Variants in SLC25A26 observed in about 807,000 individuals in gnomAD.
SLC25A26 encodes the protein solute carrier family 25 member 26.
A neutral mutation model predicts 37.8 loss-of-function variants in SLC25A26; 36 were observed. The ratio of observed to expected loss-of-function variants is 0.95; its 90% CI spans 0.73 to 1.26. SLC25A26 has a LOEUF of 1.26. Ranked by LOEUF, SLC25A26 falls within the 50% of genes most tolerant of loss-of-function variation. The probability of loss-of-function intolerance (pLI) is 0.00; values close to 1 mark genes in which losing one functional copy is unlikely to be tolerated. For missense variants in SLC25A26, 390 were observed against 331.1 expected (o/e 1.18, Z -1.38); for synonymous variants, 129 against 122.5 (o/e 1.05, Z -0.35).
intron 5 of SLC25A26, among the ~76,000 whole-genome samples, chr3:66,295,210 C>T (rs2074856041): frequency 6.6e-6 from 1 of 151,628 alleles, no homozygotes. Flanking sequence ...ATGGCCTTTG[C>T]ATTTTCTCAA....
chr3:66,179,754 A>C (rs2070661785), intron 1 of SLC25A26, among the ~76,000 whole-genome samples: 1 of 151,838 alleles, frequency 6.6e-6, no homozygotes, highest in East Asian at 1.9e-4. Flanking sequence ...AATAGCCTTC[A>C]TTACATTTGC....
At chr3:66,225,492 A>AT (rs1439759295) in intron 1 of SLC25A26, among the ~76,000 whole-genome samples, 2 of 151,656 alleles carry the variant, frequency 1.3e-5, no homozygotes, top group Non-Finnish European at 2.9e-5. Flanking sequence ...CCAGGAAATC[A>AT]TTTTTTCCCT....
chr3:66,201,893 C>T (rs2071115538), intron 1 of SLC25A26, among the ~76,000 whole-genome samples: 1 of 151,804 alleles, frequency 6.6e-6, no homozygotes, highest in South Asian at 2.1e-4. Flanking sequence ...AAGACAGATG[C>T]AATATAGAGT....
At chr3:66,310,804 A>G (rs1464390835) in intron 5 of SLC25A26, among the ~76,000 whole-genome samples, 1 of 152,198 alleles carries the variant, frequency 6.6e-6, no homozygotes, top group Non-Finnish European at 1.5e-5. Context: ...TTCTTTAAGA[A>G]TGTTGAATAT....
chr3:66,181,938 G>A (rs1166588217), intron 1 of SLC25A26, among the ~76,000 whole-genome samples: 2 of 152,116 alleles, frequency 1.3e-5, no homozygotes, highest in African/African-American at 4.8e-5. Context: ...CTGGGAGCGT[G>A]CCCGTGTGCC....
chr3:66,308,067 A>G (rs979860043), intron 5 of SLC25A26, among the ~76,000 whole-genome samples: 1 of 152,188 alleles, frequency 6.6e-6, no homozygotes, highest in Admixed American at 6.5e-5. Flanking sequence ...TGGGGGTAGC[A>G]TTGAATCTAT....
intron 5 of SLC25A26, among the ~76,000 whole-genome samples, chr3:66,344,596 C>A (rs921822932): frequency 4.6e-5 from 7 of 152,234 alleles, no homozygotes; most frequent in Non-Finnish European, 7.3e-5. Flanking sequence ...ATTTACTTTT[C>A]CCTTGCAGCT....
At chr3:66,150,569 A>T (rs1367117686) in intron 1 of SLC25A26, among the ~76,000 whole-genome samples, 71 of 126,034 alleles carry the variant, frequency 5.6e-4, no homozygotes, top group African/African-American at 1.3e-3. Flanking sequence ...GATATATATA[A>T]AAATATATAT....
chr3:66,204,168 G>GTAA (rs1212681277), intron 1 of SLC25A26, among the ~76,000 whole-genome samples: 6 of 152,132 alleles, frequency 3.9e-5, no homozygotes, highest in African/African-American at 1.4e-4. Flanking sequence ...GCTCACGCCT[G>GTAA]TAATCCCAGC....
chr3:66,357,831 G>A (rs1207498259), intron 6 of SLC25A26, among the ~76,000 whole-genome samples: 1 of 152,128 alleles, frequency 6.6e-6, no homozygotes, highest in Admixed American at 6.5e-5. Flanking sequence ...GTATATGATA[G>A]TGAGGAAACA....
In SLC25A26 at chr3:66,238,657, G is replaced by A. The variant is rs138327553; in HGVS notation, c.190+1957G>A. ...TGGGATTACAGGTGTGAGCCACTGC[G>A]CCTGGCAAATGTTTTATATACTGTA... On this transcript the variant is annotated intron_variant, in intron 2 of 9. Transcript: ENST00000354883. Among the ~76,000 whole-genome samples the A allele has an allele frequency of 8.9e-4, 136 of 152,250 alleles. 1 individual carries two copies. The East Asian group carries it at 0.015, about 17-fold the overall frequency.
At chr3:66,239,395 A>G (rs1437703815) in intron 2 of SLC25A26, among the ~76,000 whole-genome samples, 1 of 152,000 alleles carries the variant, frequency 6.6e-6, no homozygotes. Flanking sequence ...TTCTTTTCCC[A>G]GAACAGGGCA....
chr3:66,281,078 C>G (rs1333214087), intron 5 of SLC25A26, among the ~76,000 whole-genome samples: 2 of 152,150 alleles, frequency 1.3e-5, no homozygotes, highest in Non-Finnish European at 2.9e-5. Context: ...TTTATTTCCT[C>G]CATGACATAG....
intron 5 of SLC25A26, among the ~76,000 whole-genome samples, chr3:66,276,243 G>C (rs1295452903): frequency 6.6e-6 from 1 of 152,082 alleles, no homozygotes; most frequent in African/African-American, 2.4e-5. Context: ...ATCATAAGCA[G>C]AGGCTTAGAA....
intron 1 of SLC25A26, among the ~76,000 whole-genome samples, chr3:66,207,075 A>G (rs1363279789): frequency 1.3e-5 from 2 of 151,784 alleles, no homozygotes; most frequent in Non-Finnish European, 2.9e-5. Flanking sequence ...TCAGACTCAA[A>G]AGACTCGGTA....
At chr3:66,288,486 C>T (rs909744896) in intron 5 of SLC25A26, among the ~76,000 whole-genome samples, 3 of 152,004 alleles carry the variant, frequency 2.0e-5, no homozygotes, top group Non-Finnish European at 2.9e-5. Flanking sequence ...CATCCCCTAC[C>T]CCTCGACAGG....
At chr3:66,182,104 A>G (rs1181363473) in intron 1 of SLC25A26, among the ~76,000 whole-genome samples, 1 of 152,178 alleles carries the variant, frequency 6.6e-6, no homozygotes, top group Admixed American at 6.5e-5. Flanking sequence ...ACAGGCAACT[A>G]GGACAAAAAG....
chr3:66,355,357 A>G (rs1390559256), intron 6 of SLC25A26, among the ~76,000 whole-genome samples: 1 of 152,178 alleles, frequency 6.6e-6, no homozygotes, highest in East Asian at 1.9e-4. Context: ...ATCAACGCAT[A>G]TAAAATTGAT....
chr3:66,343,545 C>T (rs1443938107), intron 5 of SLC25A26, among the ~76,000 whole-genome samples: 1 of 152,094 alleles, frequency 6.6e-6, no homozygotes, highest in Non-Finnish European at 1.5e-5. Context: ...GAAGGAGCAG[C>T]TCAATGAATA....
Sources: gnomAD v4.1 joint callset for allele counts (sites outside exome capture counted in the v4.1 genomes callset) on GRCh38, gnomAD v4.1.1 for gene constraint, MANE v1.5 for transcripts, NCBI Gene and HGNC (gene_info 2026-07-23, HGNC 2026-07-21) for gene names.